The following ADGRG4 variants were observed in gnomAD, a reference collection of about 807,000 sequenced individuals.
ADGRG4 encodes adhesion G protein-coupled receptor G4, also known as G protein-coupled receptor 112.
A neutral mutation model predicts 126.2 loss-of-function variants in ADGRG4; 122 were observed. The ratio of observed to expected loss-of-function variants is 0.97; its 90% confidence interval spans 0.83 to 1.12. ADGRG4 has a LOEUF of 1.12. Among genes scored for constraint, ADGRG4 ranks in the 50% most tolerant of loss-of-function variants. The pLI, the probability that ADGRG4 is intolerant of heterozygous loss-of-function variation, is 0.00. For synonymous variants in ADGRG4, 943 were observed against 838.7 expected (o/e 1.12, Z -2.15); for missense variants, 2,481 against 2,251.8 (o/e 1.10, Z -2.06).
intron 5 of ADGRG4, among the ~76,000 whole-genome samples, chrX:136,328,181 G>A (rs1022573038): frequency 1.1e-4 from 12 of 111,097 alleles, no homozygotes; most frequent in South Asian, 7.6e-4. Context: ...CTTTTGGGGG[G>A]AGGCTGCTGA....
chrX:136,306,714 C>CA (rs1387965985), intron 3 of ADGRG4, among the ~76,000 whole-genome samples: 18 of 97,863 alleles, frequency 1.8e-4, no homozygotes, highest in African/African-American at 6.4e-4. Flanking sequence ...TACCTTATTC[C>CA]TTTTTTTTTT....
intron 10 of ADGRG4, 89 bp downstream of exon 10, chrX:136,357,845 C>T (rs977212964): frequency 1.7e-6 from 1 of 597,911 alleles, no homozygotes; most frequent in East Asian, 3.5e-5. Context: ...GCCAGTTGGC[C>T]AGAGTTGTCA....
At chrX:136,394,476 C>T (rs966444007) in intron 18 of ADGRG4, among the ~76,000 whole-genome samples, 22 of 111,824 alleles carry the variant, frequency 2.0e-4, no homozygotes, top group Non-Finnish European at 3.8e-5. Flanking sequence ...TCTTCCCATT[C>T]GGCTCCCTAG....
At chrX:136,398,491 A>G (rs1266924730) in intron 20 of ADGRG4, among the ~76,000 whole-genome samples, 2 of 112,368 alleles carry the variant, frequency 1.8e-5, no homozygotes, top group African/African-American at 6.5e-5. Context: ...GCCTAAGCCT[A>G]ACCCTTACCA....
rs145864422 is a variant in ADGRG4, at chrX:136,350,222, G to A, written c.6516G>A (p.Lys2172=). The part of the protein sequence containing the change: ...ASSPSTLIIP[K]PTLDSLLNIM... ...CACCCTCTACTTTAATTATTCCTAAGCCCACACTGGACTCCCTTCTAAATA... is the reference window on the plus strand; with the variant it reads ...CACCCTCTACTTTAATTATTCCTAAACCCACACTGGACTCCCTTCTAAATA... Residue 2172 remains lysine (K), a synonymous_variant, in exon 6 of 26, where the codon AAG becomes AAA. Coordinates refer to ENST00000394143, the MANE Select transcript of ADGRG4 (RefSeq NM_153834.4). 8.3e-7 allele frequency: 1 copy of A among 1,205,899 alleles called. No individual in the cohort carries two copies. Among genetic ancestry groups the A allele is most frequent in the Non-Finnish European group, 1.1e-6 (1 of 890,432 alleles).
At chrX:136,343,805 C>T (rs1160433614) in intron 5 of ADGRG4, among the ~76,000 whole-genome samples, 2 of 111,267 alleles carry the variant, frequency 1.8e-5, no homozygotes, top group East Asian at 2.8e-4. Flanking sequence ...AATCTCATAA[C>T]GATTTTATAG....
In ADGRG4 at chrX:136,387,813, T is replaced by C; in HGVS notation, c.7850T>C (p.Ile2617Thr). 8.3e-7 allele frequency: 1 copy of C among 1,205,091 alleles called. No homozygotes were observed. The highest frequency in any genetic ancestry group is 2.2e-5 in the Admixed American group (1 of 45,736). Residue 2617 changes from isoleucine (I) to threonine (T), a missense_variant, in exon 16 of 26, where the codon ATT (isoleucine) becomes ACT (threonine). Coordinates refer to ENST00000394143, the MANE Select transcript of ADGRG4 (RefSeq NM_153834.4). ...TTGCCTAAATCACTGACGGAGAGAATTCCTCTTAGCAACTTACAAACGATC... is the reference window on the plus strand; with the variant it reads ...TTGCCTAAATCACTGACGGAGAGAACTCCTCTTAGCAACTTACAAACGATC... The part of the protein sequence containing the change: ...IYLPKSLTER[I>T]PLSNLQTILF...
rs980605530 is a variant in ADGRG4, at chrX:136,329,537, C to G, written c.685+6145C>G. Among the ~76,000 whole-genome samples the G allele has an allele frequency of 2.7e-5, 3 of 112,168 alleles. No individual in the cohort carries two copies. The East Asian group carries it at 8.4e-4, about 31-fold the overall frequency. On this transcript the variant is annotated intron_variant, in intron 5 of 25. Transcript: ENST00000394143. The stretch of plus-strand genomic sequence containing the variant: ...GTGCAAGTGATCACTTGTTCACAAA[C>G]AGGAACAAAGTGAATATGGCAAATC...
intron 5 of ADGRG4, among the ~76,000 whole-genome samples, chrX:136,325,549 G>A (rs1316539385): frequency 9.0e-6 from 1 of 111,324 alleles, no homozygotes; most frequent in Non-Finnish European, 1.9e-5. Flanking sequence ...CTAAGGAACC[G>A]GAAGTATGGC....
chrX:136,357,691 T>C lies in ADGRG4; in HGVS notation c.6928-13T>C. The stretch of plus-strand genomic sequence containing the variant: ...AAAGATTTCAGTGACTATGTACTTT[T>C]CTTTTGCATTAGTTGGAACAGAGAG... On this transcript the variant is annotated splice_polypyrimidine_tract_variant and intron_variant, in intron 9 of 25. Transcript: ENST00000394143. 8.6e-7 allele frequency: 1 copy of C among 1,160,809 alleles called. No homozygotes were observed. Among genetic ancestry groups the C allele is most frequent in the Non-Finnish European group, 1.2e-6 (1 of 851,413 alleles).
intron 4 of ADGRG4, among the ~76,000 whole-genome samples, chrX:136,319,664 A>G (rs1193240056): frequency 2.7e-5 from 3 of 110,110 alleles, no homozygotes; most frequent in Non-Finnish European, 5.7e-5. Flanking sequence ...GAATTTACCT[A>G]TATCTTCAGA....
At position 136,346,671 on chromosome X, in the gene ADGRG4, TC is replaced by T; in HGVS notation, c.2967del (p.Leu990CysfsTer70). ...STTPTDRTATSLSDGILPPQP... is the reference protein window; with the variant it reads ...STTPTDRTATXLSDGILPPQP... Reference sequence around the variant, plus strand: ...TACCCCTACAGACAGGACAGCTACGTCCTTGTCTGATGGTATCTTACCTCCA... The same window carrying T: ...TACCCCTACAGACAGGACAGCTACGTCTTGTCTGATGGTATCTTACCTCCA... On this transcript the variant is annotated frameshift_variant, in exon 6 of 26. Coordinates refer to ENST00000394143, the MANE Select transcript of ADGRG4 (RefSeq NM_153834.4). LOFTEE classifies it high-confidence loss of function. The T allele has an allele frequency of 3.3e-6, 4 of 1,210,480 alleles. No individual in the cohort carries two copies. Among genetic ancestry groups the T allele is most frequent in the Non-Finnish European group, 4.5e-6 (4 of 894,633 alleles).
intron 7 of ADGRG4, among the ~76,000 whole-genome samples, chrX:136,352,147 T>C (rs1405819591): frequency 8.9e-6 from 1 of 111,848 alleles, no homozygotes; most frequent in Non-Finnish European, 1.9e-5. Flanking sequence ...CATTGATGCA[T>C]GTGTGTTCTT....
Position 136,405,868 on chromosome X carries a change from G to A in ADGRG4, c.8831G>A (p.Ser2944Asn), listed in dbSNP as rs1163536735. The change falls in exon 23 of 26, where the codon AGC (serine) becomes AAC (asparagine). Residue 2944 changes from serine to asparagine, a missense_variant. Transcript: ENST00000394143. ...CTGCATGACCTCAAAGGCACAATGA[G>A]CCTGACATTCTTACTTGGCCTCACC... The part of the protein sequence containing the change: ...MILHDLKGTM[S>N]LTFLLGLTWG... 2 of 1,204,978 alleles carry A rather than the reference G, an allele frequency of 1.7e-6. No individual in the cohort carries two copies. Among genetic ancestry groups the A allele is most frequent in the African/African-American group, 3.5e-5 (2 of 57,626 alleles).
chrX:136,359,145 C>T, intron 10 of ADGRG4, 147 bp from the exon 11 acceptor site: 1 of 489,299 alleles, frequency 2.0e-6, no homozygotes, highest in Non-Finnish European at 3.5e-6. Flanking sequence ...TCCATCACTT[C>T]TTAAGATTGG....
intron 23 of ADGRG4, among the ~76,000 whole-genome samples, chrX:136,409,605 C>T (rs192279711): frequency 2.7e-5 from 3 of 111,508 alleles, no homozygotes; most frequent in African/African-American, 9.8e-5. Flanking sequence ...TGAATTCATC[C>T]CCGCAGTTGT....
intron 11 of ADGRG4, among the ~76,000 whole-genome samples, chrX:136,360,039 C>G (rs1041067624): frequency 9.0e-6 from 1 of 111,581 alleles, no homozygotes; most frequent in Non-Finnish European, 1.9e-5. Flanking sequence ...GGCATTAGAA[C>G]GCACAATCCT....
chrX:136,377,189 TTTGTTG>T (rs1341575276), intron 15 of ADGRG4, among the ~76,000 whole-genome samples: 4 of 90,921 alleles, frequency 4.4e-5, no homozygotes, highest in African/African-American at 1.8e-4. Context: ...TTTTTTTTTT[TTTGTTG>T]TTGTTGTTGT....
At chrX:136,322,445 C>T (rs964315005) in intron 4 of ADGRG4, among the ~76,000 whole-genome samples, 8 of 111,479 alleles carry the variant, frequency 7.2e-5, no homozygotes, top group African/African-American at 2.6e-4. Flanking sequence ...CTGCCTTTTC[C>T]TTGGCCTCTT....
Sources: gnomAD v4.1 joint callset for allele counts (sites outside exome capture counted in the v4.1 genomes callset) on GRCh38, gnomAD v4.1.1 for gene constraint, MANE v1.5 for transcripts, NCBI Gene and HGNC (gene_info 2026-07-23, HGNC 2026-07-21) for gene names.